Variants in ULK4 observed in about 807,000 individuals in gnomAD.
ULK4 encodes unc-51 like kinase 4.
A neutral mutation model predicts 160.6 loss-of-function variants in ULK4; 133 were observed. The ratio of observed to expected loss-of-function variants is 0.83; its 90% CI spans 0.72 to 0.96. The LOEUF is 0.96. ULK4 is among the 40% of genes least tolerant of loss of function. The pLI, the probability that ULK4 is intolerant of heterozygous loss-of-function variation, is 0.00. For missense variants in ULK4, 1,580 were observed against 1,499.5 expected, an observed-to-expected ratio of 1.05 and a Z score of -0.89; for synonymous variants, 534 against 539.8, an observed-to-expected ratio of 0.99 and a Z score of 0.15.
chr3:41,281,623 A>T (rs1038412723), intron 35 of ULK4, among the ~76,000 whole-genome samples: 1 of 152,316 alleles, frequency 6.6e-6, no homozygotes, highest in Non-Finnish European at 1.5e-5. Flanking sequence ...AAAACTCTCA[A>T]TAAACTAGGT....
chr3:41,849,152 T>A (rs1054723186), intron 17 of ULK4, among the ~76,000 whole-genome samples: 2 of 152,218 alleles, frequency 1.3e-5, no homozygotes, highest in Non-Finnish European at 2.9e-5. Context: ...ATGGTTTTTG[T>A]TACCGTAACA....
rs570986325 is a variant in ULK4 at position 41,653,413 on chromosome 3, T to G, written c.3071+10194A>C. 2.9e-3 allele frequency among the ~76,000 whole-genome samples: 447 copies of G among 152,332 alleles called. 3 individuals carry two copies. Among genetic ancestry groups the G allele is most frequent in the African/African-American group, 0.01 (430 of 41,582 alleles). On this transcript the variant is annotated intron_variant, in intron 30 of 36. Coordinates refer to ENST00000301831, the MANE Select transcript of ULK4 (RefSeq NM_017886.4). ...TGGTTCTTCCTCACATGGCACCCAGTGGCATGGTATGCCCTTCCTCTTGGA... is the reference window on the plus strand; with the variant it reads ...TGGTTCTTCCTCACATGGCACCCAGGGGCATGGTATGCCCTTCCTCTTGGA...
intron 30 of ULK4, among the ~76,000 whole-genome samples, chr3:41,648,498 T>C (rs1575526943): frequency 6.6e-6 from 1 of 152,206 alleles, no homozygotes; most frequent in African/African-American, 2.4e-5. Flanking sequence ...GTATGTAATA[T>C]AGTTTCTAAT....
chr3:41,752,181 T>C (rs2038652707), intron 22 of ULK4, among the ~76,000 whole-genome samples: 1 of 152,238 alleles, frequency 6.6e-6, no homozygotes. Flanking sequence ...TTGTTCTTTC[T>C]CTTTTATTGT....
intron 34 of ULK4, among the ~76,000 whole-genome samples, chr3:41,427,078 GA>G (rs1214097204): frequency 6.6e-6 from 1 of 152,042 alleles, no homozygotes; most frequent in East Asian, 1.9e-4. Context: ...TGATAAAGGG[GA>G]TATCACCACT....
chr3:41,705,749 C>G (rs2125828628), intron 25 of ULK4, among the ~76,000 whole-genome samples: 1 of 152,190 alleles, frequency 6.6e-6, no homozygotes, highest in Non-Finnish European at 1.5e-5. Flanking sequence ...CCTGCCTCGG[C>G]CTCCCAAAGA....
intron 30 of ULK4, among the ~76,000 whole-genome samples, chr3:41,635,789 A>G (rs914282780): frequency 2.0e-5 from 3 of 152,224 alleles, no homozygotes; most frequent in Non-Finnish European, 4.4e-5. Context: ...CTGAGATTAG[A>G]ACGGATATCT....
chr3:41,683,465 C>T (rs1380530084), intron 27 of ULK4, among the ~76,000 whole-genome samples: 2 of 151,726 alleles, frequency 1.3e-5, no homozygotes, highest in African/African-American at 4.8e-5. Flanking sequence ...GACGTGACCC[C>T]TCCGTGACTG....
intron 21 of ULK4, among the ~76,000 whole-genome samples, chr3:41,777,246 T>C: frequency 9.8e-6 from 1 of 102,560 alleles, no homozygotes. Flanking sequence ...GTAGTTTGTA[T>C]TTCTGTGGGA....
chr3:41,821,150 C>T (rs148810597), intron 18 of ULK4, among the ~76,000 whole-genome samples: 120 of 152,282 alleles, frequency 7.9e-4, no homozygotes, highest in African/African-American at 2.7e-3. Flanking sequence ...CTGCCCAAAA[C>T]CTAAACTATC....
At chr3:41,819,081 G>A (rs1441548963) in intron 19 of ULK4, among the ~76,000 whole-genome samples, 2 of 152,130 alleles carry the variant, frequency 1.3e-5, no homozygotes, top group African/African-American at 2.4e-5. Flanking sequence ...CAGAAAATTC[G>A]CTGCATACAC....
chr3:41,530,492 C>G (rs1467741112), intron 32 of ULK4, among the ~76,000 whole-genome samples: 1 of 152,106 alleles, frequency 6.6e-6, no homozygotes, highest in Non-Finnish European at 1.5e-5. Flanking sequence ...CATCTAGAAC[C>G]AAACAGAACT....
intron 32 of ULK4, among the ~76,000 whole-genome samples, chr3:41,540,045 T>C (rs2086639828): frequency 6.6e-6 from 1 of 152,124 alleles, no homozygotes; most frequent in Non-Finnish European, 1.5e-5. Flanking sequence ...TGAAAATAAG[T>C]AATTTACAGA....
At position 41,931,825 on chromosome 3, in the gene ULK4, G is replaced by C. The variant is rs773011230; in HGVS notation, c.541+19C>G. ...CCACAACTAGAGTTATGATCTTTAA[G>C]CTTTCCAGGTCCACATACCTTTGAC... On this transcript the variant is annotated intron_variant, in intron 5 of 36. Transcript: ENST00000301831. 3 of 1,613,178 alleles carry C rather than the reference G, an allele frequency of 1.9e-6. No individual in the cohort carries two copies. In the East Asian group the frequency reaches 6.7e-5, roughly 36 times the overall value.
At chr3:41,860,935 T>A (rs1467247813) in intron 17 of ULK4, among the ~76,000 whole-genome samples, 1 of 152,280 alleles carries the variant, frequency 6.6e-6, no homozygotes, top group East Asian at 1.9e-4. Flanking sequence ...GAGGTTACCA[T>A]GAGGCTTGCG....
intron 35 of ULK4, among the ~76,000 whole-genome samples, chr3:41,346,529 G>A (rs370283844): frequency 3.3e-4 from 50 of 152,286 alleles, no homozygotes; most frequent in African/African-American, 1.2e-3. Context: ...GAGAGCAAGA[G>A]GTAAGTCAGA....
rs147240794 is a variant in ULK4 at position 41,254,387 on chromosome 3, T to C, written c.3679-4813A>G. Among the ~76,000 whole-genome samples, 4 of 152,298 alleles carry C rather than the reference T, an allele frequency of 2.6e-5. No homozygotes were observed. In the East Asian group the frequency reaches 7.7e-4, roughly 29 times the overall value. On this transcript the variant is annotated intron_variant, in intron 35 of 36. Coordinates refer to ENST00000301831, the MANE Select transcript of ULK4 (RefSeq NM_017886.4). ...TGGAATTAAACAGCACACTCCTAAA[T>C]AATCCAAGGGTTAAAGAGGACATTC...
At chr3:41,546,766 T>TA (rs2086876690) in intron 32 of ULK4, among the ~76,000 whole-genome samples, 78 of 122,282 alleles carry the variant, frequency 6.4e-4, no homozygotes, top group African/African-American at 2.6e-3. Context: ...CCCTAGGCCC[T>TA]TAAAAAAAAA....
At chr3:41,764,421 T>TAA (rs1249010705) in intron 21 of ULK4, among the ~76,000 whole-genome samples, 1 of 152,054 alleles carries the variant, frequency 6.6e-6, no homozygotes, top group Non-Finnish European at 1.5e-5. Flanking sequence ...GAAATCTCAT[T>TAA]AATAAACAGG....
Sources: allele counts gnomAD v4.1 joint callset (sites outside exome capture counted in the v4.1 genomes callset), GRCh38; gene constraint gnomAD v4.1.1; transcripts MANE v1.5; gene names NCBI Gene and HGNC (gene_info 2026-07-23, HGNC 2026-07-21).